Variants in MB observed in about 807,000 individuals in gnomAD.
The protein encoded by MB is myoglobin, also known as nitrite reductase MB.
A neutral mutation model predicts 14.5 loss-of-function variants in MB; 10 were observed. The ratio of observed to expected loss-of-function variants is 0.69; its 90% CI spans 0.43 to 1.17. MB has a LOEUF of 1.17. MB is among the 50% of genes most tolerant of loss of function. The pLI, the probability that MB is intolerant of heterozygous loss-of-function variation, is 0.00. For synonymous variants in MB, 89 were observed against 78.6 expected (o/e 1.13, Z -0.70); for missense variants, 169 against 192.7 (o/e 0.88, Z 0.73).
rs1923150503 is a variant in MB, at chr22:35,617,306, T to A, written c.-49A>T. 1 of 1,484,740 alleles carries A rather than the reference T, an allele frequency of 6.7e-7. No individual in the cohort carries two copies. Among genetic ancestry groups the A allele is most frequent in the East Asian group, 2.3e-5 (1 of 44,260 alleles). The allele number at this position is 1,484,740 out of a possible 1,614,324, so 92.0% of individuals were successfully genotyped here. A position where few individuals can be genotyped will look rare whatever the true frequency, so the allele number is the denominator to read the frequency against. On this transcript the variant is annotated 5_prime_UTR_variant, in exon 1 of 3. Coordinates refer to ENST00000397326, the MANE Select transcript of MB (RefSeq NM_005368.3). ...AGAGCAAGTATGGGCTCACTGGGTG[T>A]CCTGGCCCCAACAGCTGGGGTTTGA...
At chr22:35,619,830 T>C (rs1338082429), upstream of MB, among the ~76,000 whole-genome samples, 2 of 152,156 alleles carry the variant, frequency 1.3e-5, no homozygotes, top group African/African-American at 4.8e-5. Context: ...GAGCCGCCAC[T>C]CCCTGGAGGA....
At chr22:35,614,715 C>T (rs1922928355) in intron 1 of MB, among the ~76,000 whole-genome samples, 1 of 144,622 alleles carries the variant, frequency 6.9e-6, no homozygotes, top group East Asian at 2.1e-4. Flanking sequence ...TGCTGTCTTT[C>T]TCCTCCTCAT....
chr22:35,622,470 A>C (rs1390135536), intron 1 of MB: 1 of 152,562 alleles, frequency 6.6e-6, no homozygotes, highest in Non-Finnish European at 1.5e-5. Context: ...AGCATCCATC[A>C]TACTGACCAC....
upstream of MB, among the ~76,000 whole-genome samples, chr22:35,621,216 C>T (rs1408702613): frequency 6.6e-6 from 1 of 152,170 alleles, no homozygotes; most frequent in Non-Finnish European, 1.5e-5. Flanking sequence ...TCATGCTACA[C>T]ACACGCACAC....
At chr22:35,617,393 G>T (rs1157589454), upstream of MB, 2 of 633,340 alleles carry the variant, frequency 3.2e-6, no homozygotes, top group Non-Finnish European at 5.7e-6. Flanking sequence ...ATCGCTCAAT[G>T]GCTCGCTGTC....
intron 1 of MB, among the ~76,000 whole-genome samples, chr22:35,614,464 T>C (rs1922901347): frequency 6.8e-6 from 1 of 146,724 alleles, no homozygotes; most frequent in Non-Finnish European, 1.5e-5. Flanking sequence ...GGCATGCACC[T>C]GTAATCCCAG....
chr22:35,618,618 T>G (rs2145925381), upstream of MB, among the ~76,000 whole-genome samples: 1 of 152,010 alleles, frequency 6.6e-6, no homozygotes, highest in Admixed American at 6.5e-5. Flanking sequence ...TATCAATCCC[T>G]CCATCTATCC....
At position 35,609,439 on chromosome 22, in the gene MB, T is replaced by A. The variant is rs540504818; in HGVS notation, c.318+1445A>T. On this transcript the variant is annotated intron_variant, in intron 2 of 2. Coordinates refer to ENST00000397326, the MANE Select transcript of MB (RefSeq NM_005368.3). Reference sequence around the variant, plus strand: ...GCAGGGACGGCCTCACATGCAGGGTTGTCTGTTCACGCTGGTGATGTGGAG... The same window carrying A: ...GCAGGGACGGCCTCACATGCAGGGTAGTCTGTTCACGCTGGTGATGTGGAG... 6.7e-4 allele frequency among the ~76,000 whole-genome samples: 102 copies of A among 152,178 alleles called. No individual in the cohort carries two copies. The South Asian group carries it at 0.02, about 30-fold the overall frequency.
intron 1 of MB, among the ~76,000 whole-genome samples, chr22:35,614,916 C>G (rs45532131): frequency 0.013 from 1,962 of 152,146 alleles, 39 homozygotes; most frequent in African/African-American, 0.046. Flanking sequence ...CCCCGCTCCC[C>G]AAAACAGCCA....
At chr22:35,621,693 C>G (rs1233936254), upstream of MB, among the ~76,000 whole-genome samples, 3 of 152,190 alleles carry the variant, frequency 2.0e-5, no homozygotes, top group Admixed American at 1.3e-4. Flanking sequence ...ATGTCACGTG[C>G]ACTTCCTTGC....
At chr22:35,607,466 A>C in intron 2 of MB, 23 bp from the exon 3 acceptor site, 1 of 1,609,842 alleles carries the variant, frequency 6.2e-7, no homozygotes, top group Non-Finnish European at 8.5e-7. Context: ...TGAGGAGAGA[A>C]AATGGTCACC....
upstream of MB, among the ~76,000 whole-genome samples, chr22:35,622,287 C>G (rs1601849559): frequency 6.9e-6 from 1 of 145,356 alleles, no homozygotes; most frequent in Non-Finnish European, 1.5e-5. Flanking sequence ...TTAGCTTGTG[C>G]CTCCCTGGCA....
upstream of MB, among the ~76,000 whole-genome samples, chr22:35,620,303 T>C (rs1237584532): frequency 6.6e-6 from 1 of 152,150 alleles, no homozygotes; most frequent in Non-Finnish European, 1.5e-5. Context: ...TACTCCAGCC[T>C]GGCAACAGAG....
chr22:35,607,724 G>A (rs1396643551), intron 2 of MB, among the ~76,000 whole-genome samples: 1 of 152,118 alleles, frequency 6.6e-6, no homozygotes, highest in Non-Finnish European at 1.5e-5. Context: ...GGCCGGCTCC[G>A]GAGCCCACGC....
chr22:35,619,767 G>T (rs1356984025), upstream of MB, among the ~76,000 whole-genome samples: 1 of 152,202 alleles, frequency 6.6e-6, no homozygotes, highest in East Asian at 1.9e-4. Flanking sequence ...GGGTCAGAAC[G>T]CCCTCTGTGT....
In MB at chr22:35,607,278, G is replaced by T; in HGVS notation, c.*19C>A. 6.2e-7 allele frequency: 1 copy of T among 1,605,664 alleles called. No homozygotes were observed. On this transcript the variant is annotated 3_prime_UTR_variant, in exon 3 of 3. Coordinates refer to ENST00000397326, the MANE Select transcript of MB (RefSeq NM_005368.3). ...TTGAACCCGGGGCCCAGATGGGTGGGGGTGGGAGCGGCAGGGGCCTAGCCC... is the reference window on the plus strand; with the variant it reads ...TTGAACCCGGGGCCCAGATGGGTGGTGGTGGGAGCGGCAGGGGCCTAGCCC...
intron 1 of MB, among the ~76,000 whole-genome samples, chr22:35,612,666 CAG>C (rs1922728435): frequency 6.6e-6 from 1 of 152,180 alleles, no homozygotes; most frequent in South Asian, 2.1e-4. Flanking sequence ...GAGGAAGAAA[CAG>C]AGGCACCGAA....
upstream of MB, among the ~76,000 whole-genome samples, chr22:35,618,662 C>T (rs993923932): frequency 6.6e-6 from 1 of 151,970 alleles, no homozygotes; most frequent in African/African-American, 2.4e-5. Flanking sequence ...ATCTATCCAT[C>T]ATCTCTTTGT....
Position 35,607,062 on chromosome 22 carries a change from C to A in MB, c.*235G>T, listed in dbSNP as rs1922193204. Reference sequence around the variant, plus strand: ...ATTCAGATCCAAACCATGCAGAACACAGTGAGCCAAGGGCCACTCCCGGTT... The same window carrying A: ...ATTCAGATCCAAACCATGCAGAACAAAGTGAGCCAAGGGCCACTCCCGGTT... On this transcript the variant is annotated 3_prime_UTR_variant, in exon 3 of 3. Transcript: ENST00000397326. 1 of 466,902 alleles carries A rather than the reference C, an allele frequency of 2.1e-6. No individual in the cohort carries two copies. The highest frequency in any genetic ancestry group is 1.9e-5 in the African/African-American group (1 of 51,852). 28.9% of individuals were successfully genotyped at this position (466,902 alleles called of 1,614,324 possible). A position where few individuals can be genotyped will look rare whatever the true frequency, so the allele number is the denominator to read the frequency against.
Sources: gnomAD v4.1 joint callset for allele counts (sites outside exome capture counted in the v4.1 genomes callset) on GRCh38, gnomAD v4.1.1 for gene constraint, MANE v1.5 for transcripts, NCBI Gene and HGNC (gene_info 2026-07-23, HGNC 2026-07-21) for gene names.